Variants in DNER observed in about 807,000 individuals in gnomAD.
The protein encoded by DNER is delta/notch like EGF repeat containing.
DNER carries 33 observed loss-of-function variants against 78.2 expected under a neutral mutation model. The ratio of observed to expected loss-of-function variants is 0.42; its 90% confidence interval spans 0.32 to 0.56. The LOEUF (loss-of-function observed/expected upper bound fraction) is 0.56. DNER is among the 20% of genes least tolerant of loss of function. The pLI, the probability that DNER is intolerant of heterozygous loss-of-function variation, is 0.11. For missense variants in DNER, 918 were observed against 975.3 expected (o/e 0.94, Z 0.78); for synonymous variants, 417 against 384.8 (o/e 1.08, Z -0.98).
At chr2:229,625,410 TC>T (rs945844013) in intron 1 of DNER, among the ~76,000 whole-genome samples, 8 of 151,720 alleles carry the variant, frequency 5.3e-5, no homozygotes, top group African/African-American at 1.9e-4. Context: ...TACTGACACC[TC>T]CCCCATCAAC....
chr2:229,554,766 G>T (rs1284034943), intron 4 of DNER, among the ~76,000 whole-genome samples: 1 of 151,738 alleles, frequency 6.6e-6, no homozygotes, highest in Non-Finnish European at 1.5e-5. Context: ...TACTCAGGAG[G>T]ATCACTTGAG....
chr2:229,696,944 CA>C, intron 1 of DNER, among the ~76,000 whole-genome samples: 1 of 152,202 alleles, frequency 6.6e-6, no homozygotes, highest in East Asian at 1.9e-4. Flanking sequence ...GGTAGTTCCT[CA>C]AAAATTTAAA....
At chr2:229,663,082 G>C (rs1412613662) in intron 1 of DNER, among the ~76,000 whole-genome samples, 1 of 152,124 alleles carries the variant, frequency 6.6e-6, no homozygotes, top group Non-Finnish European at 1.5e-5. Flanking sequence ...TTGATCAGTT[G>C]AACTGAATTT....
chr2:229,435,854 G>A (rs1331168607), intron 8 of DNER, among the ~76,000 whole-genome samples: 1 of 152,152 alleles, frequency 6.6e-6, no homozygotes, highest in African/African-American at 2.4e-5. Flanking sequence ...AAGTGGGATT[G>A]TAATTTTTTA....
intron 6 of DNER, among the ~76,000 whole-genome samples, chr2:229,490,778 C>G (rs1318785359): frequency 6.6e-6 from 1 of 152,174 alleles, no homozygotes; most frequent in Non-Finnish European, 1.5e-5. Context: ...ACTTTGGAGT[C>G]ATTCACAACT....
rs760282334 is a variant in DNER, at chr2:229,477,240, C to G, written c.1161G>C (p.Glu387Asp). The G allele has an allele frequency of 6.2e-7, 1 of 1,612,768 alleles. No individual in the cohort carries two copies. Among genetic ancestry groups the G allele is most frequent in the South Asian group, 1.1e-5 (1 of 90,880 alleles). ...TCVCLPGYTG[E>D]LCQSKIDYCI... ...AGTAATCAATCTTGGACTGGCAAAG[C>G]TCTCCAGTATAACCTGAATAAAACA... Residue 387 changes from glutamate (E) to aspartate (D), a missense_variant, in exon 7 of 13, where the codon GAG (glutamate) becomes GAC (aspartate). By Grantham distance (45) the Glu-to-Asp change is conservative (BLOSUM62 2). Coordinates refer to ENST00000341772, the MANE Select transcript of DNER (RefSeq NM_139072.4).
Position 229,367,077 on chromosome 2 carries a change from T to A in DNER, c.1898A>T (p.Asn633Ile), listed in dbSNP as rs1233726205. Reference sequence around the variant, plus strand: ...GATGTAGAGGGAGTGCCGTGGCATGTTGGTGAGGCTCTCCGCCATGTGCCC... The same window carrying A: ...GATGTAGAGGGAGTGCCGTGGCATGATGGTGAGGCTCTCCGCCATGTGCCC... Reference protein sequence around the residue: ...KSGHMAESLTNMPRHSLYIII... With the variant: ...KSGHMAESLTIMPRHSLYIII... The change falls in exon 12 of 13, where the codon AAC (asparagine) becomes ATC (isoleucine). Residue 633 changes from asparagine to isoleucine, a missense_variant. Coordinates refer to ENST00000341772, the MANE Select transcript of DNER (RefSeq NM_139072.4). 1.9e-6 allele frequency: 3 copies of A among 1,614,008 alleles called. No individual in the cohort carries two copies. The African/African-American group carries it at 4.0e-5, about 22-fold the overall frequency.
intron 5 of DNER, among the ~76,000 whole-genome samples, chr2:229,541,674 G>A (rs1457087601): frequency 6.6e-6 from 1 of 151,802 alleles, no homozygotes; most frequent in East Asian, 1.9e-4. Flanking sequence ...GACCCAAAGA[G>A]AACAAAAGCC....
At chr2:229,680,057 C>A (rs1382302866) in intron 1 of DNER, among the ~76,000 whole-genome samples, 2 of 152,196 alleles carry the variant, frequency 1.3e-5, no homozygotes, top group Non-Finnish European at 2.9e-5. Context: ...CAAGCCCACA[C>A]AATCATGAAG....
intron 5 of DNER, among the ~76,000 whole-genome samples, chr2:229,527,631 G>A (rs538915748): frequency 4.7e-4 from 71 of 152,290 alleles, no homozygotes; most frequent in African/African-American, 1.7e-3. Flanking sequence ...AGTGCCTTCT[G>A]TCCAACAGCA....
chr2:229,641,595 A>T (rs1277427431), intron 1 of DNER, among the ~76,000 whole-genome samples: 1 of 147,612 alleles, frequency 6.8e-6, no homozygotes, highest in Non-Finnish European at 1.5e-5. Flanking sequence ...AAAACAAATG[A>T]CCTTTCTAGA....
chr2:229,508,622 C>T (rs549882484), intron 6 of DNER, among the ~76,000 whole-genome samples: 1 of 152,256 alleles, frequency 6.6e-6, no homozygotes, highest in South Asian at 2.1e-4. Context: ...TGGCTCATGC[C>T]TGTAATCCCA....
intron 4 of DNER, among the ~76,000 whole-genome samples, chr2:229,549,240 A>C (rs1004975910): frequency 6.6e-6 from 1 of 152,222 alleles, no homozygotes; most frequent in Admixed American, 6.5e-5. Context: ...TGTATTAATA[A>C]TACATAGAGC....
intron 10 of DNER, among the ~76,000 whole-genome samples, chr2:229,405,715 T>C (rs1693364882): frequency 6.6e-6 from 1 of 152,094 alleles, no homozygotes; most frequent in South Asian, 2.1e-4. Context: ...CACTATATAC[T>C]ACACACACAC....
At chr2:229,413,917 AG>A (rs1161379098) in intron 9 of DNER, among the ~76,000 whole-genome samples, 1 of 152,096 alleles carries the variant, frequency 6.6e-6, no homozygotes, top group Non-Finnish European at 1.5e-5. Flanking sequence ...GGTAAGTACT[AG>A]TTAGGAATTT....
intron 10 of DNER, among the ~76,000 whole-genome samples, chr2:229,393,702 C>A (rs1323467439): frequency 6.6e-6 from 1 of 151,962 alleles, no homozygotes; most frequent in Non-Finnish European, 1.5e-5. Flanking sequence ...AAAAAATTAG[C>A]CAGGCGTGGT....
intron 5 of DNER, among the ~76,000 whole-genome samples, chr2:229,546,610 C>A (rs1696629832): frequency 6.6e-6 from 1 of 152,128 alleles, no homozygotes; most frequent in African/African-American, 2.4e-5. Flanking sequence ...GTGGTGTGTG[C>A]CTGTGGTCCC....
chr2:229,652,598 G>A (rs73095319), intron 1 of DNER, among the ~76,000 whole-genome samples: 4,285 of 152,272 alleles, frequency 0.028, 207 homozygotes, highest in African/African-American at 0.098. Flanking sequence ...ACAAAGGGAG[G>A]CAACCTGACT....
chr2:229,543,748 C>T (rs1466500730), intron 5 of DNER, among the ~76,000 whole-genome samples: 1 of 152,134 alleles, frequency 6.6e-6, no homozygotes, highest in African/African-American at 2.4e-5. Flanking sequence ...CTTCTGGCAC[C>T]TCCTTATCAA....
Sources: allele counts gnomAD v4.1 joint callset (sites outside exome capture counted in the v4.1 genomes callset), GRCh38; gene constraint gnomAD v4.1.1; transcripts MANE v1.5; gene names NCBI Gene and HGNC (gene_info 2026-07-23, HGNC 2026-07-21).